Variants in NFIB observed in about 807,000 individuals in gnomAD.
NFIB encodes the protein nuclear factor 1 B-type.
In NFIB, 11 loss-of-function variants were observed where a neutral mutation model predicts 61.5. The ratio of observed to expected loss-of-function variants is 0.18; its 90% CI spans 0.11 to 0.30. NFIB has a LOEUF of 0.30. Among genes scored for constraint, NFIB ranks in the 10% least tolerant of loss-of-function variants. The pLI, the probability that NFIB is intolerant of heterozygous loss-of-function variation, is 1.00. For missense variants in NFIB, 471 were observed against 608.9 expected (o/e 0.77, Z 2.38); for synonymous variants, 260 against 216.5 (o/e 1.20, Z -1.76).
At chr9:14,126,880 G>A (rs2039723153) in intron 6 of NFIB, among the ~76,000 whole-genome samples, 1 of 152,178 alleles carries the variant, frequency 6.6e-6, no homozygotes, top group Admixed American at 6.5e-5. Flanking sequence ...GTTCAAGACC[G>A]AATGTATGCC....
the NFIB span, among the ~76,000 whole-genome samples, chr9:14,423,027 C>CAA: frequency 3.3e-5 from 5 of 152,112 alleles, no homozygotes; most frequent in African/African-American, 1.2e-4. Context: ...CATAACAGTT[C>CAA]AAATGATCAT....
chr9:14,121,316 C>G (rs2038903284), intron 7 of NFIB, among the ~76,000 whole-genome samples: 1 of 152,078 alleles, frequency 6.6e-6, no homozygotes, highest in Admixed American at 6.6e-5. Flanking sequence ...AACAAACAAA[C>G]AAACAAAAAA....
At position 14,116,265 on chromosome 9, in the gene NFIB, C is replaced by T. The variant is rs748630137; in HGVS notation, c.1327G>A (p.Val443Met). The part of the protein sequence containing the change: ...VLAPSPHPSA[V>M]RPVTLSMTDT... Reference sequence around the variant, plus strand: ...GTCATGCTCAGGGTCACAGGTCGCACTGCACTGGGATGGGGAGAGGGTGCC... The same window carrying T: ...GTCATGCTCAGGGTCACAGGTCGCATTGCACTGGGATGGGGAGAGGGTGCC... Residue 443 changes from valine (V) to methionine (M), a missense_variant, in exon 9 of 11, where the codon GTG becomes ATG. This residue lies in a region of NFIB where 372 missense variants were observed against 395.6 expected (regional missense o/e 0.94). Coordinates refer to ENST00000380953, the MANE Select transcript of NFIB (RefSeq NM_001190737.2). 1.0e-5 allele frequency: 16 copies of T among 1,538,662 alleles called. No homozygotes were observed. Among genetic ancestry groups the T allele is most frequent in the Non-Finnish European group, 1.4e-5 (16 of 1,140,444 alleles).
At chr9:14,159,847 C>T (rs1402335890) in intron 3 of NFIB, among the ~76,000 whole-genome samples, 1 of 152,212 alleles carries the variant, frequency 6.6e-6, no homozygotes, top group Non-Finnish European at 1.5e-5. Flanking sequence ...CCATCTGTAA[C>T]CTCCAAGGTC....
intron 1 of NFIB, among the ~76,000 whole-genome samples, chr9:14,320,541 T>C (rs1399314547): frequency 1.3e-5 from 2 of 152,234 alleles, no homozygotes; most frequent in Non-Finnish European, 1.5e-5. Context: ...CCACAACGTT[T>C]TGTGTTTCAC....
intron 2 of NFIB, among the ~76,000 whole-genome samples, chr9:14,191,717 T>C (rs1327363680): frequency 6.6e-6 from 1 of 152,206 alleles, no homozygotes; most frequent in Non-Finnish European, 1.5e-5. Context: ...ATCTTAGACA[T>C]CAATGCCTTC....
At chr9:14,453,744 G>T in the NFIB span, among the ~76,000 whole-genome samples, 1 of 152,206 alleles carries the variant, frequency 6.6e-6, no homozygotes, top group Non-Finnish European at 1.5e-5. Flanking sequence ...CATAATTACT[G>T]CCCACTTCTT....
rs1271702400 is a variant in NFIB, at chr9:14,307,388, T to C, written c.163A>G (p.Arg55Gly). 2 of 1,613,960 alleles carry C rather than the reference T, an allele frequency of 1.2e-6. No individual in the cohort carries two copies. The highest frequency in any genetic ancestry group is 2.2e-5 in the East Asian group (1 of 44,868). The change falls in exon 2 of 11, where the codon AGA becomes GGA. Residue 55 changes from arginine (R) to glycine (G), a missense_variant. Coordinates refer to ENST00000380953, the MANE Select transcript of NFIB (RefSeq NM_001190737.2). This position sits in a 1 kb window ranked among gnomAD's most constrained non-coding sequence, Gnocchi z 5.3. ...CTGAGAAGCTCATCTTTGACTGCTC[T>C]TTCTTCATCCTTTGACATTCGCTTC... ...HEKRMSKDEE[R>G]AVKDELLSEK...
At position 14,280,495 on chromosome 9, in the gene NFIB, C is replaced by T. The variant is rs564505382; in HGVS notation, c.562+26494G>A. On this transcript the variant is annotated intron_variant, in intron 2 of 10. Coordinates refer to ENST00000380953, the MANE Select transcript of NFIB (RefSeq NM_001190737.2). ...AATCTTCTCTAACCCTACACTCACA[C>T]TTTACTTATTTTAAAACTAGATTAG... is the stretch of plus-strand genomic sequence containing the variant. Among the ~76,000 whole-genome samples the T allele has an allele frequency of 2.0e-5, 3 of 152,276 alleles. No individual in the cohort carries two copies. In the East Asian group the frequency reaches 5.8e-4, roughly 29 times the overall value.
At chr9:14,262,979 T>C (rs1363493303) in intron 2 of NFIB, among the ~76,000 whole-genome samples, 1 of 152,116 alleles carries the variant, frequency 6.6e-6, no homozygotes, top group Non-Finnish European at 1.5e-5. Flanking sequence ...GTTTAAACTG[T>C]TTCTAGGTCA....
intron 2 of NFIB, among the ~76,000 whole-genome samples, chr9:14,287,385 C>T (rs1245656661): frequency 6.6e-6 from 1 of 151,114 alleles, no homozygotes; most frequent in Non-Finnish European, 1.5e-5. Flanking sequence ...GCTGAGATCA[C>T]GCCACTGCAC....
chr9:14,416,394 C>T, the NFIB span, among the ~76,000 whole-genome samples: 2 of 152,030 alleles, frequency 1.3e-5, no homozygotes, highest in Admixed American at 6.6e-5. Context: ...TGTGTTACTG[C>T]CCCTGAAGAC....
At chr9:14,104,075 G>T (rs187959599) in intron 10 of NFIB, among the ~76,000 whole-genome samples, 97 of 152,000 alleles carry the variant, frequency 6.4e-4, no homozygotes, top group African/African-American at 2.3e-3. Flanking sequence ...GTGCCACCAT[G>T]CCTAGTTAAT....
chr9:14,497,905 T>C, the NFIB span, among the ~76,000 whole-genome samples: 19 of 152,188 alleles, frequency 1.2e-4, no homozygotes, highest in African/African-American at 4.3e-4. Flanking sequence ...TGAAGTAACA[T>C]GCAGAGAAAA....
intron 2 of NFIB, among the ~76,000 whole-genome samples, chr9:14,181,367 C>T (rs1464179045): frequency 6.6e-6 from 1 of 152,170 alleles, no homozygotes. Flanking sequence ...CTAGAAATGA[C>T]CATTCTTCAT....
At chr9:14,382,838 G>A (rs1225274472) in intron 1 of NFIB, among the ~76,000 whole-genome samples, 1 of 152,128 alleles carries the variant, frequency 6.6e-6, no homozygotes, top group Non-Finnish European at 1.5e-5. Flanking sequence ...CATAGAGAAT[G>A]AAAGTCCAGG....
intron 10 of NFIB, among the ~76,000 whole-genome samples, chr9:14,091,378 C>T (rs2033878953): frequency 6.6e-6 from 1 of 151,684 alleles, no homozygotes; most frequent in African/African-American, 2.4e-5. Context: ...CATACTTACT[C>T]AGGTAAAAAT....
At chr9:14,225,525 T>C (rs1284173236) in intron 2 of NFIB, among the ~76,000 whole-genome samples, 2 of 150,592 alleles carry the variant, frequency 1.3e-5, no homozygotes, top group African/African-American at 4.9e-5. Flanking sequence ...AAAGCAATGA[T>C]TGAGCTTGTG....
intron 2 of NFIB, among the ~76,000 whole-genome samples, chr9:14,225,062 CAAGAT>C (rs2052194525): frequency 6.6e-6 from 1 of 152,046 alleles, no homozygotes; most frequent in South Asian, 2.1e-4. Flanking sequence ...ACCCTCTGAC[CAAGAT>C]CTCTGCATTT....
Sources: gnomAD v4.1 joint callset for allele counts (sites outside exome capture counted in the v4.1 genomes callset) on GRCh38, gnomAD v4.1.1 for gene constraint, gnomAD v4.1.1 regional missense constraint, Gnocchi (gnomAD v3.1) non-coding constraint, MANE v1.5 for transcripts, NCBI Gene and HGNC (gene_info 2026-07-23, HGNC 2026-07-21) for gene names.